The following RAB44 variants were observed in gnomAD, a reference collection of about 807,000 sequenced individuals.
RAB44 encodes ras-related protein Rab-44.
A neutral mutation model predicts 93.3 loss-of-function variants in RAB44; 67 were observed. That is an observed-to-expected ratio of 0.72 (90% CI 0.59 to 0.88). RAB44 has a LOEUF of 0.88. Ranked by LOEUF, RAB44 falls within the 40% of genes least tolerant of loss-of-function variation. The pLI is 0.00. For synonymous variants in RAB44, 427 were observed against 520.3 expected, an observed-to-expected ratio of 0.82 and a Z score of 2.44; for missense variants, 1,064 against 1,261.7, an observed-to-expected ratio of 0.84 and a Z score of 2.37.
At chr6:36,720,585 C>G (rs1763049716) in intron 8 of RAB44, 35 bp downstream of exon 8, 3 of 1,227,616 alleles carry the variant, frequency 2.4e-6, no homozygotes, top group Admixed American at 4.2e-5. Flanking sequence ...GGGGTGGACT[C>G]TAAGGGCCTC....
chr6:36,729,463 G>T (rs1349470731), intron 12 of RAB44, among the ~76,000 whole-genome samples: 1 of 151,540 alleles, frequency 6.6e-6, no homozygotes, highest in Non-Finnish European at 1.5e-5. Flanking sequence ...TGCTGGAAGG[G>T]AATTTTTTTT....
At chr6:36,712,753 T>C (rs1762818337) in intron 2 of RAB44, among the ~76,000 whole-genome samples, 1 of 152,198 alleles carries the variant, frequency 6.6e-6, no homozygotes. Context: ...TTTTCTGTTA[T>C]TTTTCAACCA....
Position 36,705,321 on chromosome 6 carries a change from G to A in RAB44, c.207+879G>A, listed in dbSNP as rs181535363. 5.9e-5 allele frequency among the ~76,000 whole-genome samples: 9 copies of A among 152,060 alleles called. No homozygotes were observed. In the East Asian group the frequency reaches 1.7e-3, roughly 29 times the overall value. On this transcript the variant is annotated intron_variant, in intron 2 of 13. Transcript: ENST00000612677. ...GTAATTTTGGGGATTTTCATGAAAG[G>A]TAAACAATGTGTTGTGCTAGCATTC...
At chr6:36,699,050 A>T (rs2395660) in intron 1 of RAB44, among the ~76,000 whole-genome samples, 14,408 of 152,084 alleles carry the variant, frequency 0.095, 883 homozygotes, top group South Asian at 0.19. Flanking sequence ...ATCCCACCTG[A>T]TGGTGACAAG....
In RAB44 at chr6:36,720,524, G is replaced by A. The variant is rs778084181; in HGVS notation, c.990G>A (p.Val330=). Residue 330 remains valine (V), a synonymous_variant, in exon 8 of 14, where the codon GTG becomes GTA. Coordinates refer to ENST00000612677, the MANE Select transcript of RAB44 (RefSeq NM_001257357.2). ...RGRLDAARGR[V]SWQVEEKLSF... is the part of the protein sequence containing the mutation. Reference sequence around the variant, plus strand: ...GCCTGGACGCCGCCAGGGGCCGGGTGTCCTGGCAGGTGGAGGAGAAACTGA... The same window carrying A: ...GCCTGGACGCCGCCAGGGGCCGGGTATCCTGGCAGGTGGAGGAGAAACTGA... The A allele has an allele frequency of 8.9e-6, 11 of 1,233,884 alleles. No individual in the cohort carries two copies. Among genetic ancestry groups the A allele is most frequent in the Admixed American group, 8.4e-5 (2 of 23,716 alleles). The allele number at this position is 1,233,884 out of a possible 1,614,324, so 76.4% of individuals were successfully genotyped here.
intron 2 of RAB44, among the ~76,000 whole-genome samples, chr6:36,710,624 T>C (rs9462212): frequency 9.5e-6 from 1 of 104,816 alleles, no homozygotes; most frequent in African/African-American, 7.2e-5. Flanking sequence ...CTTGGCTCAC[T>C]GCAACCTCCG....
chr6:36,730,597 T>C lies in RAB44; in HGVS notation c.2899-76T>C, dbSNP rs114710966. 589 of 945,224 alleles carry C rather than the reference T, an allele frequency of 6.2e-4. 8 individuals carry two copies. The African/African-American group carries it at 9.2e-3, about 15-fold the overall frequency. 58.6% of individuals were successfully genotyped at this position (945,224 alleles called of 1,614,324 possible). On this transcript the variant is annotated intron_variant, in intron 12 of 13. Coordinates refer to ENST00000612677, the MANE Select transcript of RAB44 (RefSeq NM_001257357.2). Reference sequence around the variant, plus strand: ...GCATTGGGACTCTGATGGCCGGGACTTTAGTGGCGGGGTATGGCCTGGCCT... The same window carrying C: ...GCATTGGGACTCTGATGGCCGGGACCTTAGTGGCGGGGTATGGCCTGGCCT...
Position 36,732,047 on chromosome 6 carries a change from A to C in RAB44, c.3020A>C (p.Lys1007Thr). 2 of 1,234,482 alleles carry C rather than the reference A, an allele frequency of 1.6e-6. No homozygotes were observed. The highest frequency in any genetic ancestry group is 1.0e-6 in the Non-Finnish European group (1 of 988,250). The allele number at this position is 1,234,482 out of a possible 1,614,324, so 76.5% of individuals were successfully genotyped here. The change falls in exon 14 of 14, where the codon AAG (lysine) becomes ACG (threonine). Residue 1007 changes from lysine (K) to threonine (T), a missense_variant. Coordinates refer to ENST00000612677, the MANE Select transcript of RAB44 (RefSeq NM_001257357.2). ...GAAGGCCTGAAGGACTCGCTGGTGA[A>C]GGTGGCCCCCAAGAGGCCGCCCAAG... ...QEEGLKDSLV[K>T]VAPKRPPKRF...
In RAB44 at chr6:36,697,969, G is replaced by C. The variant is rs1467712604; in HGVS notation, c.-13+54G>C. On this transcript the variant is annotated intron_variant, in intron 1 of 13. Transcript: ENST00000612677. The stretch of plus-strand genomic sequence containing the variant: ...TCTTTTTCTTTGGAAGGATGAGGAT[G>C]GGGGAGGGAGCTGGGGTCCCTGTTT... The C allele has an allele frequency of 4.6e-5, 7 of 152,424 alleles. 1 individual carries two copies. In the South Asian group the frequency reaches 8.3e-4, roughly 18 times the overall value. The allele number at this position is 152,424 out of a possible 1,614,324, so 9.4% of individuals were successfully genotyped here.
Position 36,721,716 on chromosome 6 carries a change from G to T in RAB44, c.1582G>T (p.Asp528Tyr), listed in dbSNP as rs1211987924. 1.6e-6 allele frequency: 2 copies of T among 1,234,294 alleles called. No homozygotes were observed. Among genetic ancestry groups the T allele is most frequent in the East Asian group, 3.2e-5 (1 of 31,710 alleles). 76.5% of individuals were successfully genotyped at this position (1,234,294 alleles called of 1,614,324 possible). The change falls in exon 9 of 14, where the codon GAT becomes TAT. Residue 528 changes from aspartate (D) to tyrosine (Y), a missense_variant. Asp to Tyr is a radical substitution (Grantham distance 160). Transcript: ENST00000612677. ...CAAACAGATCCAGGCCTCAGACCCA[G>T]ATGACAAGGGCCCTGGGTCTTGGGC... Reference protein sequence around the residue: ...SSKQIQASDPDDKGPGSWAPP... With the variant: ...SSKQIQASDPYDKGPGSWAPP...
intron 1 of RAB44, among the ~76,000 whole-genome samples, chr6:36,700,480 G>A (rs1762483937): frequency 1.3e-5 from 2 of 152,038 alleles, no homozygotes; most frequent in Admixed American, 1.3e-4. Context: ...TCACTCTGTC[G>A]CCCAGGCTGG....
In RAB44 at chr6:36,732,119, G is replaced by T; in HGVS notation, c.*26G>T. The T allele has an allele frequency of 8.2e-7, 1 of 1,220,904 alleles. No individual in the cohort carries two copies. The highest frequency in any genetic ancestry group is 4.1e-5 in the South Asian group (1 of 24,112). The allele number at this position is 1,220,904 out of a possible 1,614,324, so 75.6% of individuals were successfully genotyped here. On this transcript the variant is annotated 3_prime_UTR_variant, in exon 14 of 14. Coordinates refer to ENST00000612677, the MANE Select transcript of RAB44 (RefSeq NM_001257357.2). ...TCACCTGTCCTGTCCTGGGTAGGAT[G>T]GACACCCATGGGGTTTCCTGTCCCT...
Position 36,704,209 on chromosome 6 carries a change from C to T in RAB44, c.-12-15C>T. On this transcript the variant is annotated splice_polypyrimidine_tract_variant and intron_variant, in intron 1 of 13. Transcript: ENST00000612677. ...CTGTCCAGCAGCCCGGTGCCCCTCA[C>T]TCCTCTGTCCCCAGGGCCAACGCAC... 6.5e-7 allele frequency: 1 copy of T among 1,528,046 alleles called. No individual in the cohort carries two copies. Among genetic ancestry groups the T allele is most frequent in the Non-Finnish European group, 8.8e-7 (1 of 1,139,974 alleles). 94.7% of individuals were successfully genotyped at this position (1,528,046 alleles called of 1,614,324 possible).
At position 36,731,957 on chromosome 6, in the gene RAB44, C is replaced by T; in HGVS notation, c.2976-46C>T. Reference sequence around the variant, plus strand: ...GCACCCATGGGCCCATCCGTGCTGCCCGTAGGAGGTGAGAGAGAGGCCTGA... The same window carrying T: ...GCACCCATGGGCCCATCCGTGCTGCTCGTAGGAGGTGAGAGAGAGGCCTGA... On this transcript the variant is annotated intron_variant, in intron 13 of 13. Transcript: ENST00000612677. This position sits in a 1 kb window ranked among gnomAD's most constrained non-coding sequence, Gnocchi z 4.0. 8.3e-7 allele frequency: 1 copy of T among 1,200,242 alleles called. No individual in the cohort carries two copies. Among genetic ancestry groups the T allele is most frequent in the East Asian group, 3.2e-5 (1 of 31,532 alleles). The allele number at this position is 1,200,242 out of a possible 1,614,324, so 74.3% of individuals were successfully genotyped here.
chr6:36,698,310 G>T (rs950460100), intron 1 of RAB44, among the ~76,000 whole-genome samples: 2 of 152,210 alleles, frequency 1.3e-5, no homozygotes, highest in Non-Finnish European at 1.5e-5. Flanking sequence ...CAGCCAAGTG[G>T]AGAGCAGACC....
rs2150344204 is a variant in RAB44 at position 36,732,329 on chromosome 6, C to T, written c.*236C>T. 2 of 339,732 alleles carry T rather than the reference C, an allele frequency of 5.9e-6. No individual in the cohort carries two copies. The highest frequency in any genetic ancestry group is 3.5e-4 in the Middle Eastern group (1 of 2,878). The allele number at this position is 339,732 out of a possible 1,614,324, so 21.0% of individuals were successfully genotyped here. ...AGGGGCAGGGGTATGGCAAAACTCTCCAAACAAAGAAAGTCTAGAAAAACG... is the reference window on the plus strand; with the variant it reads ...AGGGGCAGGGGTATGGCAAAACTCTTCAAACAAAGAAAGTCTAGAAAAACG... On this transcript the variant is annotated 3_prime_UTR_variant, in exon 14 of 14. Coordinates refer to ENST00000612677, the MANE Select transcript of RAB44 (RefSeq NM_001257357.2).
rs1763098581 is a variant in RAB44, at chr6:36,722,000, ATTTGTGGGTCC to A, written c.1867_1877del (p.Phe623GlyfsTer21). 1 of 1,234,470 alleles carries A rather than the reference ATTTGTGGGTCC, an allele frequency of 8.1e-7. No homozygotes were observed. The highest frequency in any genetic ancestry group is 1.0e-6 in the Non-Finnish European group (1 of 988,400). The allele number at this position is 1,234,470 out of a possible 1,614,324, so 76.5% of individuals were successfully genotyped here. A position where few individuals can be genotyped will look rare whatever the true frequency, so the allele number is the denominator to read the frequency against. On this transcript the variant is annotated frameshift_variant, in exon 9 of 14. Coordinates refer to ENST00000612677, the MANE Select transcript of RAB44 (RefSeq NM_001257357.2). LOFTEE classifies it high-confidence loss of function. ...CAGCTGAGCCCTTCCAGGGCCTGGA[ATTTGTGGGTCC>A]GGTGCCCACAGAGAGGCTGGAGCAG...
chr6:36,727,307 C>T (rs1763260723), intron 10 of RAB44, among the ~76,000 whole-genome samples: 3 of 152,052 alleles, frequency 2.0e-5, no homozygotes, highest in Non-Finnish European at 2.9e-5. Context: ...AAACTGATAA[C>T]CCTGGTTGCC....
intron 2 of RAB44, among the ~76,000 whole-genome samples, chr6:36,710,649 C>T (rs1762762084): frequency 9.5e-6 from 1 of 105,322 alleles, no homozygotes; most frequent in African/African-American, 7.0e-5. Flanking sequence ...CTGGGAGTCT[C>T]ACTCTGTCAT....
Sources: allele counts gnomAD v4.1 joint callset (sites outside exome capture counted in the v4.1 genomes callset), GRCh38; gene constraint gnomAD v4.1.1; non-coding constraint Gnocchi (gnomAD v3.1); transcripts MANE v1.5; gene names NCBI Gene and HGNC (gene_info 2026-07-23, HGNC 2026-07-21).